Variants in OOSP4A observed in about 807,000 individuals in gnomAD.
The protein encoded by OOSP4A is oocyte secreted protein family member 4A, also known as oocyte-secreted protein 4A.
intron 3 of OOSP4A, among the ~76,000 whole-genome samples, 194 bp downstream of exon 3, chr11:59,967,358 G>A (rs1456559125): frequency 1.3e-5 from 2 of 152,208 alleles, no homozygotes; most frequent in South Asian, 2.1e-4. Flanking sequence ...ATGAGTAGAT[G>A]AGGCTCAGTT....
intron 3 of OOSP4A, 26 bp from the exon 4 acceptor site, chr11:59,969,124 T>C (rs1854131971): frequency 2.5e-6 from 1 of 398,270 alleles, no homozygotes. Context: ...ATACAAAGCT[T>C]AAATATATTT....
rs1352016475 is a variant in OOSP4A at position 59,966,953 on chromosome 11, A to G, written c.247-114A>G. The G allele has an allele frequency of 1.3e-5, 5 of 383,576 alleles. No individual in the cohort carries two copies. In the East Asian group the frequency reaches 1.5e-4, roughly 11 times the overall value. The allele number at this position is 383,576 out of a possible 1,614,324, so 23.8% of individuals were successfully genotyped here. On this transcript the variant is annotated intron_variant, in intron 2 of 4. Coordinates refer to ENST00000645590, the Ensembl canonical transcript of OOSP4A. ...TGCACTCATACCTATTTTATTTCAT[A>G]AAGTAAAAATAAAAGTAAAAATTAT...
At chr11:59,970,256 G>A (rs1169999875), downstream of OOSP4A, 6 of 391,378 alleles carry the variant, frequency 1.5e-5, no homozygotes, top group Non-Finnish European at 2.7e-5. Context: ...AACCTGCTCT[G>A]TTGTCCATAT....
At chr11:59,969,900 A>G (rs1386603816) in intron 4 of OOSP4A, 149 bp from the exon 5 acceptor site, 1 of 388,664 alleles carries the variant, frequency 2.6e-6, no homozygotes, top group Non-Finnish European at 4.5e-6. Context: ...TATTTGTGAT[A>G]CTTGAATCAT....
intron 4 of OOSP4A, among the ~76,000 whole-genome samples, 200 bp from the exon 5 acceptor site, chr11:59,969,849 A>G (rs971036201): frequency 1.3e-5 from 2 of 152,210 alleles, no homozygotes; most frequent in Non-Finnish European, 2.9e-5. Flanking sequence ...ATAGCTACAT[A>G]TACACATAAT....
At chr11:59,966,668 G>A (rs1166985815) in intron 2 of OOSP4A, among the ~76,000 whole-genome samples, 2 of 152,130 alleles carry the variant, frequency 1.3e-5, no homozygotes, top group East Asian at 3.9e-4. Context: ...TAGAGATGGG[G>A]TTTCACCTTG....
chr11:59,964,653 T>C (rs2134583680), intron 1 of OOSP4A, among the ~76,000 whole-genome samples: 1 of 152,248 alleles, frequency 6.6e-6, no homozygotes, highest in Non-Finnish European at 1.5e-5. Flanking sequence ...AATAATAAAA[T>C]TGACCATAGA....
Position 59,969,291 on chromosome 11 carries a change from G to A in OOSP4A, c.479+7G>A. 1 of 398,348 alleles carries A rather than the reference G, an allele frequency of 2.5e-6. No homozygotes were observed. The highest frequency in any genetic ancestry group is 1.3e-4 in the South Asian group (1 of 7,844). The allele number at this position is 398,348 out of a possible 1,614,324, so 24.7% of individuals were successfully genotyped here. On this transcript the variant is annotated splice_region_variant and intron_variant, in intron 4 of 4. Transcript: ENST00000645590. Reference sequence around the variant, plus strand: ...GTCCAAGAGTGTCCTATGTGTAAGAGTATTTTGAATTAGTACCATAAATGT... The same window carrying A: ...GTCCAAGAGTGTCCTATGTGTAAGAATATTTTGAATTAGTACCATAAATGT...
At chr11:59,966,498 A>G (rs1173439769) in intron 2 of OOSP4A, among the ~76,000 whole-genome samples, 2 of 151,316 alleles carry the variant, frequency 1.3e-5, no homozygotes, top group African/African-American at 2.4e-5. Flanking sequence ...GCTTTTTGCA[A>G]TGGAGTCTTG....
intron 4 of OOSP4A, 112 bp downstream of exon 4, chr11:59,969,396 T>C (rs1447389216): frequency 2.5e-6 from 1 of 396,334 alleles, no homozygotes. Flanking sequence ...ATTGCCCATA[T>C]GATTTTAGTT....
At chr11:59,965,475 CTTTG>C (rs1055764091) in intron 1 of OOSP4A, 56 bp from the exon 2 acceptor site, 75 of 397,880 alleles carry the variant, frequency 1.9e-4, no homozygotes, top group South Asian at 7.9e-4. Flanking sequence ...TTCCTGAGTT[CTTTG>C]TTTGGGGGCA....
At chr11:59,965,262 C>T (rs1037838642) in intron 1 of OOSP4A, among the ~76,000 whole-genome samples, 3 of 152,132 alleles carry the variant, frequency 2.0e-5, no homozygotes, top group East Asian at 3.9e-4. Context: ...CTAACCTGCA[C>T]GTTGTGCACA....
chr11:59,967,117 G>A (rs1326835635), exon 3 of OOSP4A: 3 of 398,028 alleles, frequency 7.5e-6, no homozygotes, highest in Admixed American at 4.4e-5. Context: ...ATGAACCAAC[G>A]AATTTTGACT....
In OOSP4A at chr11:59,967,017, G is replaced by A. The variant is rs74707256; in HGVS notation, c.247-50G>A. The A allele has an allele frequency of 4.2e-3, 1,661 of 396,532 alleles. 18 individuals are homozygous for A. Among genetic ancestry groups the A allele is most frequent in the African/African-American group, 0.031 (1,493 of 48,630 alleles). The allele number at this position is 396,532 out of a possible 1,614,324, so 24.6% of individuals were successfully genotyped here. On this transcript the variant is annotated intron_variant, in intron 2 of 4. Transcript: ENST00000645590. ...TATATTTTTAAAATGGAATTTGAAA[G>A]CATTTGAAAGAGATATAATTAAGAT...
exon 3 of OOSP4A, chr11:59,967,072 T>A (rs931064544): frequency 1.5e-5 from 6 of 398,056 alleles, no homozygotes; most frequent in African/African-American, 1.2e-4. Context: ...TTTAGGAACA[T>A]GGAGTAGGTA....
At chr11:59,968,167 G>A (rs1178539944) in intron 3 of OOSP4A, among the ~76,000 whole-genome samples, 1 of 152,164 alleles carries the variant, frequency 6.6e-6, no homozygotes, top group Non-Finnish European at 1.5e-5. Flanking sequence ...TTATCTTCAT[G>A]TTTTGCTGAT....
chr11:59,965,518 A>G lies in OOSP4A; in HGVS notation c.68-17A>G. 1 of 398,420 alleles carries G rather than the reference A, an allele frequency of 2.5e-6. No individual in the cohort carries two copies. The highest frequency in any genetic ancestry group is 4.4e-6 in the Non-Finnish European group (1 of 225,920). The allele number at this position is 398,420 out of a possible 1,614,324, so 24.7% of individuals were successfully genotyped here. ...GTACTATTTGATGTTTTCCCTTTTT[A>G]AATTTTCTTTCAACAGTGTCTATAA... is the stretch of plus-strand genomic sequence containing the variant. On this transcript the variant is annotated splice_polypyrimidine_tract_variant and intron_variant, in intron 1 of 4. Coordinates refer to ENST00000645590, the Ensembl canonical transcript of OOSP4A.
At chr11:59,965,799 A>G (rs1269159947) in intron 2 of OOSP4A, 86 bp downstream of exon 2, 6 of 397,026 alleles carry the variant, frequency 1.5e-5, no homozygotes, top group Middle Eastern at 6.2e-4. Context: ...CAGTATTCAC[A>G]TTTTAATTGT....
chr11:59,967,770 T>C (rs1235500504), intron 3 of OOSP4A, among the ~76,000 whole-genome samples: 4 of 152,036 alleles, frequency 2.6e-5, no homozygotes, highest in Non-Finnish European at 5.9e-5. Context: ...AGCCTGTTGA[T>C]GAAGGTGGAG....
Sources: allele counts gnomAD v4.1 joint callset (sites outside exome capture counted in the v4.1 genomes callset), GRCh38; gene constraint gnomAD v4.1.1; transcripts MANE v1.5; gene names NCBI Gene and HGNC (gene_info 2026-07-23, HGNC 2026-07-21).